Variants in ADAMTS12 observed in about 807,000 individuals in gnomAD.
The protein encoded by ADAMTS12 is ADAM metallopeptidase with thrombospondin type 1 motif 12, also known as A disintegrin and metalloproteinase with thrombospondin motifs 12.
In ADAMTS12, 118 loss-of-function variants were observed where a neutral mutation model predicts 167.8. That is an observed-to-expected ratio of 0.70 (90% CI 0.61 to 0.82). The LOEUF is 0.82. ADAMTS12 is among the 40% of genes least tolerant of loss of function. The pLI is 0.00. For missense variants in ADAMTS12, 1,916 were observed against 1,998.8 expected (o/e 0.96, Z 0.79); for synonymous variants, 704 against 716.9 (o/e 0.98, Z 0.29).
chr5:33,666,966 C>T (rs1259359435), intron 5 of ADAMTS12, among the ~76,000 whole-genome samples: 3 of 152,138 alleles, frequency 2.0e-5, no homozygotes, highest in African/African-American at 7.2e-5. Flanking sequence ...CATACTTCAT[C>T]TTATTTGATT....
chr5:33,855,207 C>T (rs1749354806), intron 2 of ADAMTS12, among the ~76,000 whole-genome samples: 1 of 152,236 alleles, frequency 6.6e-6, no homozygotes, highest in Admixed American at 6.5e-5. Flanking sequence ...CTGAACTGCA[C>T]TTAAAAGAGT....
intron 2 of ADAMTS12, among the ~76,000 whole-genome samples, chr5:33,772,055 A>G (rs1414645341): frequency 1.3e-5 from 2 of 152,000 alleles, no homozygotes. Context: ...ATGGGGCCTC[A>G]CTATGTGACC....
chr5:33,856,414 C>G (rs536171389), intron 2 of ADAMTS12, among the ~76,000 whole-genome samples: 3 of 152,126 alleles, frequency 2.0e-5, no homozygotes, highest in African/African-American at 7.2e-5. Context: ...GTGCAAATTG[C>G]AAGAAGTCAT....
At chr5:33,775,304 A>G (rs999512008) in intron 2 of ADAMTS12, among the ~76,000 whole-genome samples, 3 of 152,214 alleles carry the variant, frequency 2.0e-5, no homozygotes, top group Non-Finnish European at 4.4e-5. Context: ...ACGGAAGAAC[A>G]TAAGAGAATA....
At chr5:33,557,941 C>T (rs1299938814) in intron 20 of ADAMTS12, among the ~76,000 whole-genome samples, 2 of 151,996 alleles carry the variant, frequency 1.3e-5, no homozygotes, top group African/African-American at 4.8e-5. Flanking sequence ...ATAGGTTGCA[C>T]ACTTCTTATG....
chr5:33,579,742 T>C (rs955408174), intron 18 of ADAMTS12, among the ~76,000 whole-genome samples: 1 of 152,240 alleles, frequency 6.6e-6, no homozygotes, highest in African/African-American at 2.4e-5. Context: ...CTTTGCAGGC[T>C]ACTGTGTGGA....
At chr5:33,726,677 G>A (rs767652797) in intron 3 of ADAMTS12, among the ~76,000 whole-genome samples, 5 of 150,874 alleles carry the variant, frequency 3.3e-5, no homozygotes, top group South Asian at 2.1e-4. Context: ...GTAATAGGCC[G>A]AGATTCAGCT....
At chr5:33,714,922 A>G (rs1308190079) in intron 3 of ADAMTS12, among the ~76,000 whole-genome samples, 1 of 152,200 alleles carries the variant, frequency 6.6e-6, no homozygotes, top group East Asian at 1.9e-4. Flanking sequence ...AATTTATTGT[A>G]TACTTCAAAA....
At chr5:33,870,464 T>C (rs1749997717) in intron 2 of ADAMTS12, among the ~76,000 whole-genome samples, 1 of 152,248 alleles carries the variant, frequency 6.6e-6, no homozygotes, top group African/African-American at 2.4e-5. Flanking sequence ...TCTTCTGTCA[T>C]GGCTTCAGCA....
At chr5:33,593,166 A>G (rs781132168) in intron 17 of ADAMTS12, among the ~76,000 whole-genome samples, 1 of 152,112 alleles carries the variant, frequency 6.6e-6, no homozygotes, top group Non-Finnish European at 1.5e-5. Context: ...AATCCCAGCT[A>G]CCCACGAGGC....
chr5:33,741,326 C>T (rs1744569775), intron 3 of ADAMTS12, among the ~76,000 whole-genome samples: 1 of 152,190 alleles, frequency 6.6e-6, no homozygotes, highest in Non-Finnish European at 1.5e-5. Context: ...TGAGGCCTCT[C>T]TCCTTGGCTT....
intron 2 of ADAMTS12, among the ~76,000 whole-genome samples, chr5:33,786,773 G>A (rs754275669): frequency 5.9e-5 from 9 of 152,134 alleles, no homozygotes; most frequent in Non-Finnish European, 8.8e-5. Context: ...ATTACTCTAC[G>A]AAAAACTATT....
intron 2 of ADAMTS12, among the ~76,000 whole-genome samples, chr5:33,821,727 C>A (rs1382133783): frequency 1.3e-5 from 2 of 152,296 alleles, no homozygotes; most frequent in Middle Eastern, 3.4e-3. Context: ...CTTAGCTACT[C>A]CAAGTCACAT....
At chr5:33,557,670 AT>A (rs1745546129) in intron 20 of ADAMTS12, among the ~76,000 whole-genome samples, 1 of 152,082 alleles carries the variant, frequency 6.6e-6, no homozygotes, top group Non-Finnish European at 1.5e-5. Flanking sequence ...AATAATCAAG[AT>A]TTAAGTTAAT....
intron 1 of ADAMTS12, among the ~76,000 whole-genome samples, chr5:33,883,316 GTTTTTTTTTTGTT>G (rs1322164578): frequency 8.0e-6 from 1 of 125,766 alleles, no homozygotes; most frequent in African/African-American, 3.0e-5. Flanking sequence ...TGTTTGTTTG[GTTTTTTTTTTGTT>G]TTTTTTTTTT....
chr5:33,683,196 G>C, intron 4 of ADAMTS12, 95 bp from the exon 5 acceptor site: 1 of 961,574 alleles, frequency 1.0e-6, no homozygotes, highest in South Asian at 1.7e-5. Flanking sequence ...ATAAAATAAA[G>C]GTTTTCTTAT....
intron 2 of ADAMTS12, among the ~76,000 whole-genome samples, chr5:33,835,319 T>C (rs1748466143): frequency 6.6e-6 from 1 of 152,226 alleles, no homozygotes; most frequent in Admixed American, 6.5e-5. Flanking sequence ...AAATTAGCTT[T>C]TTACTGAGAG....
chr5:33,736,057 G>GT (rs201311408), intron 3 of ADAMTS12, among the ~76,000 whole-genome samples: 5,831 of 142,050 alleles, frequency 0.041, 375 homozygotes, highest in African/African-American at 0.14. Flanking sequence ...TTTTTTTGCT[G>GT]TTTTTTTTTT....
rs1334902370 is a variant in ADAMTS12 at position 33,626,567 on chromosome 5, T to G, written c.2023-2216A>C. On this transcript the variant is annotated intron_variant, in intron 13 of 23. Transcript: ENST00000504830. ...GTAATGATGGTGGTGGTGGTGGTGA[T>G]GTGATGGTGGTGGTGATTTAATGGT... is the stretch of plus-strand genomic sequence containing the variant. 1.7e-3 allele frequency among the ~76,000 whole-genome samples: 233 copies of G among 139,102 alleles called. 2 individuals carry two copies. The highest frequency in any genetic ancestry group is 6.2e-3 in the African/African-American group (227 of 36,502). The allele number at this position is 139,102 out of a possible 152,430, so 91.3% of individuals were successfully genotyped here.
Sources: allele counts gnomAD v4.1 joint callset (sites outside exome capture counted in the v4.1 genomes callset), GRCh38; gene constraint gnomAD v4.1.1; transcripts MANE v1.5; gene names NCBI Gene and HGNC (gene_info 2026-07-23, HGNC 2026-07-21).